MKLN1: variants seen among roughly 807,000 people sequenced by gnomAD.
MKLN1 encodes muskelin 1.
Under a neutral mutation model 99.0 loss-of-function variants are expected in MKLN1, and 18 were observed. The ratio of observed to expected loss-of-function variants is 0.18; its 90% CI spans 0.13 to 0.27. MKLN1 has a LOEUF of 0.27. Among genes scored for constraint, MKLN1 ranks in the 10% least tolerant of loss-of-function variants. The probability of loss-of-function intolerance (pLI) is 1.00; values close to 1 mark genes in which losing one functional copy is unlikely to be tolerated. For synonymous variants in MKLN1, 288 were observed against 293.2 expected, an observed-to-expected ratio of 0.98 and a Z score of 0.18; for missense variants, 621 against 875.9, an observed-to-expected ratio of 0.71 and a Z score of 3.67.
intron 3 of MKLN1, among the ~76,000 whole-genome samples, chr7:131,300,284 G>C (rs929967960): frequency 1.3e-5 from 2 of 152,000 alleles, no homozygotes; most frequent in East Asian, 1.9e-4. Flanking sequence ...TGAAGGAGAT[G>C]GCAGGCAGGA....
chr7:131,121,278 C>T (rs1563221684), intron 1 of MKLN1, among the ~76,000 whole-genome samples: 2 of 152,314 alleles, frequency 1.3e-5, no homozygotes, highest in South Asian at 4.1e-4. Context: ...CCTCCCCCAA[C>T]ATTGGGAATT....
intron 3 of MKLN1, chr7:131,242,468 T>A (rs937678639): frequency 2.3e-5 from 5 of 215,260 alleles, no homozygotes; most frequent in Non-Finnish European, 4.7e-5. Flanking sequence ...CCCAGGAGTT[T>A]GAGACTAAAG....
intron 2 of MKLN1, among the ~76,000 whole-genome samples, chr7:131,154,360 G>A (rs918307996): frequency 6.6e-6 from 1 of 152,122 alleles, no homozygotes; most frequent in African/African-American, 2.4e-5. Context: ...GAGATTACAG[G>A]TGTGAGCCAC....
intron 8 of MKLN1, among the ~76,000 whole-genome samples, chr7:131,420,136 A>C (rs778888880): frequency 6.6e-6 from 1 of 152,088 alleles, no homozygotes; most frequent in Admixed American, 6.5e-5. Flanking sequence ...AAATGTATAC[A>C]TGTGTAACAA....
At chr7:131,345,871 G>T (rs868142869) in intron 1 of MKLN1, among the ~76,000 whole-genome samples, 13 of 152,106 alleles carry the variant, frequency 8.5e-5, no homozygotes, top group South Asian at 2.1e-4. Flanking sequence ...ATCATCATCT[G>T]TCAAAGTTTT....
chr7:131,148,212 A>G (rs1795841718), intron 2 of MKLN1, among the ~76,000 whole-genome samples: 1 of 152,132 alleles, frequency 6.6e-6, no homozygotes, highest in South Asian at 2.1e-4. Flanking sequence ...CCACATCTGC[A>G]GAATTTGGCC....
chr7:131,479,805 C>T (rs1025380945), intron 17 of MKLN1, among the ~76,000 whole-genome samples: 3 of 150,210 alleles, frequency 2.0e-5, no homozygotes, highest in Non-Finnish European at 3.0e-5. Flanking sequence ...CCAGCCTGGG[C>T]GACAGAGTGA....
chr7:131,243,920 C>A (rs928046622), intron 3 of MKLN1, among the ~76,000 whole-genome samples: 1 of 152,056 alleles, frequency 6.6e-6, no homozygotes, highest in African/African-American at 2.4e-5. Context: ...GAGGCTGAGG[C>A]AGGAGAATCG....
chr7:131,479,744 G>A (rs1411070550), intron 17 of MKLN1, among the ~76,000 whole-genome samples: 10 of 150,402 alleles, frequency 6.6e-5, no homozygotes, highest in African/African-American at 1.7e-4. Context: ...GGAGAATGGC[G>A]GTAACCCAGG....
chr7:131,472,513 T>G (rs765012229), intron 16 of MKLN1, among the ~76,000 whole-genome samples: 6 of 152,166 alleles, frequency 3.9e-5, no homozygotes, highest in Non-Finnish European at 8.8e-5. Context: ...TGCCACCAGC[T>G]TCCATTCCAT....
intron 1 of MKLN1, among the ~76,000 whole-genome samples, chr7:131,122,618 T>C (rs1795389511): frequency 6.6e-6 from 1 of 152,178 alleles, no homozygotes; most frequent in African/African-American, 2.4e-5. Context: ...CTCATAACGC[T>C]GCCCAGCCCC....
intron 3 of MKLN1, among the ~76,000 whole-genome samples, chr7:131,307,222 C>T (rs1185895718): frequency 3.3e-5 from 5 of 152,152 alleles, no homozygotes; most frequent in South Asian, 2.1e-4. Context: ...GAGAATCCTC[C>T]GCCTAGATTT....
chr7:131,120,063 C>G (rs1214983301), intron 1 of MKLN1, among the ~76,000 whole-genome samples: 1 of 147,034 alleles, frequency 6.8e-6, no homozygotes, highest in African/African-American at 2.5e-5. Context: ...CCCAGCTACT[C>G]GGGAGGCTGA....
At chr7:131,423,825 C>A (rs1048004180) in intron 8 of MKLN1, among the ~76,000 whole-genome samples, 1 of 152,148 alleles carries the variant, frequency 6.6e-6, no homozygotes, top group African/African-American at 2.4e-5. Flanking sequence ...ATGCAGACTT[C>A]ATTAGGAATA....
chr7:131,382,100 C>T (rs933671603), intron 2 of MKLN1, among the ~76,000 whole-genome samples: 3 of 152,310 alleles, frequency 2.0e-5, no homozygotes, highest in African/African-American at 4.8e-5. Context: ...TATGGTGGCT[C>T]GTGCCTGTAA....
At chr7:131,451,051 A>G (rs1357243375) in intron 12 of MKLN1, among the ~76,000 whole-genome samples, 2 of 152,208 alleles carry the variant, frequency 1.3e-5, no homozygotes, top group African/African-American at 4.8e-5. Context: ...TTGTCCTCCC[A>G]TAGAATTATT....
At chr7:131,212,160 C>A (rs1758145349) in intron 3 of MKLN1, among the ~76,000 whole-genome samples, 1 of 152,228 alleles carries the variant, frequency 6.6e-6, no homozygotes, top group Non-Finnish European at 1.5e-5. Context: ...ATAGAAACTT[C>A]TTTCTAAATA....
intron 3 of MKLN1, among the ~76,000 whole-genome samples, chr7:131,247,014 A>G (rs1482938294): frequency 1.3e-5 from 2 of 152,150 alleles, no homozygotes; most frequent in African/African-American, 2.4e-5. Flanking sequence ...CAGAGCCTCT[A>G]TTAATCTGAT....
intron 12 of MKLN1, among the ~76,000 whole-genome samples, chr7:131,448,522 C>G (rs1210252511): frequency 6.6e-6 from 1 of 152,004 alleles, no homozygotes; most frequent in Non-Finnish European, 1.5e-5. Context: ...TCAAACTGTC[C>G]AGAGATAACT....
Sources: allele counts gnomAD v4.1 joint callset (sites outside exome capture counted in the v4.1 genomes callset), GRCh38; gene constraint gnomAD v4.1.1; transcripts MANE v1.5; gene names NCBI Gene and HGNC (gene_info 2026-07-23, HGNC 2026-07-21).